TCF4: variants seen among roughly 807,000 people sequenced by gnomAD.
TCF4 encodes SL3-3 enhancer factor 2.
Under a neutral mutation model 82.1 loss-of-function variants are expected in TCF4, and 3 were observed. That is an observed-to-expected ratio of 0.04 (90% CI 0.02 to 0.09). TCF4 has a LOEUF of 0.09. TCF4 is among the 10% of genes least tolerant of loss of function. TCF4 has a pLI of 1.00. For synonymous variants in TCF4, 276 were observed against 309.6 expected, an observed-to-expected ratio of 0.89 and a Z score of 1.14; for missense variants, 518 against 852.7, an observed-to-expected ratio of 0.61 and a Z score of 4.89.
At chr18:55,604,746 G>A (rs1376048130) in intron 2 of TCF4, among the ~76,000 whole-genome samples, 2 of 152,166 alleles carry the variant, frequency 1.3e-5, no homozygotes, top group South Asian at 2.1e-4. Flanking sequence ...CATCACCTGG[G>A]AGAGCAGAGT....
chr18:55,464,213 G>A, intron 3 of TCF4, 76 bp from the exon 4 acceptor site: 1 of 1,276,608 alleles, frequency 7.8e-7, no homozygotes, highest in Non-Finnish European at 1.1e-6. Flanking sequence ...TCAAATTAAT[G>A]TTTCAAATTA....
chr18:55,378,338 CTCTTA>C (rs375112280), intron 6 of TCF4, among the ~76,000 whole-genome samples: 1 of 152,188 alleles, frequency 6.6e-6, no homozygotes, highest in Non-Finnish European at 1.5e-5. Flanking sequence ...ATTTAACACA[CTCTTA>C]TAAGTGTCTT....
upstream of TCF4, among the ~76,000 whole-genome samples, chr18:55,592,002 T>G (rs2097686017): frequency 6.6e-6 from 1 of 152,232 alleles, no homozygotes; most frequent in Non-Finnish European, 1.5e-5. Flanking sequence ...GTGTTTTGTC[T>G]TCTTTTTGTT....
intron 15 of TCF4, among the ~76,000 whole-genome samples, chr18:55,245,549 G>A (rs768261038): frequency 2.0e-5 from 3 of 152,162 alleles, no homozygotes; most frequent in Non-Finnish European, 2.9e-5. Flanking sequence ...TGCTGTGGAG[G>A]GGCTTTTCAC....
intron 3 of TCF4, among the ~76,000 whole-genome samples, chr18:55,481,725 C>A (rs1416137531): frequency 6.6e-6 from 1 of 152,226 alleles, no homozygotes; most frequent in African/African-American, 2.4e-5. Flanking sequence ...ATATATACTT[C>A]ATTTTTACCA....
intron 8 of TCF4, among the ~76,000 whole-genome samples, chr18:55,318,146 T>C (rs2074606712): frequency 6.6e-6 from 1 of 152,114 alleles, no homozygotes; most frequent in Non-Finnish European, 1.5e-5. Context: ...TTGTTTTCAG[T>C]TTTATTTGCC....
upstream of TCF4, chr18:55,588,544 G>A (rs1327426838): frequency 1.3e-6 from 2 of 1,530,524 alleles, no homozygotes; most frequent in African/African-American, 2.7e-5. Context: ...ATCCCTCGGA[G>A]GCACTTTGAA....
At chr18:55,566,426 T>C (rs2097407311) in intron 3 of TCF4, among the ~76,000 whole-genome samples, 1 of 151,938 alleles carries the variant, frequency 6.6e-6, no homozygotes, top group Non-Finnish European at 1.5e-5. Flanking sequence ...TATAAATTTA[T>C]ACACATAAAT....
chr18:55,257,577 T>C (rs529405485), intron 13 of TCF4, 186 bp from the exon 14 acceptor site: 51 of 637,188 alleles, frequency 8.0e-5, no homozygotes, highest in African/African-American at 6.0e-4. Flanking sequence ...ATGTAAAATA[T>C]GTAGACTTTA....
At chr18:55,430,040 T>A (rs1347671346) in intron 5 of TCF4, among the ~76,000 whole-genome samples, 1 of 152,186 alleles carries the variant, frequency 6.6e-6, no homozygotes, top group African/African-American at 2.4e-5. Flanking sequence ...GACATGTTGA[T>A]GTTAAATGTT....
Position 55,616,648 on chromosome 18 carries a change from G to C in TCF4, c.286+14650C>G, listed in dbSNP as rs191344413. On this transcript the variant is annotated intron_variant, in intron 2 of 20. Transcript: ENST00000398339. ...TTTATCTTTTCTTTTTTTAATAATT[G>C]CCATCCTAACAGGTGTGAGGTGATA... Among the ~76,000 whole-genome samples the C allele has an allele frequency of 4.6e-3, 700 of 151,804 alleles. 8 individuals carry two copies. The highest frequency in any genetic ancestry group is 0.016 in the African/African-American group (677 of 41,382).
At chr18:55,460,938 C>T (rs2095858406) in intron 5 of TCF4, 81 bp downstream of exon 5, 4 of 1,241,058 alleles carry the variant, frequency 3.2e-6, no homozygotes, top group Admixed American at 3.8e-5. Flanking sequence ...AAAGCAGAAC[C>T]TCTGTCTAGG....
At position 55,548,484 on chromosome 18, in the gene TCF4, C is replaced by CT. The variant is rs769444156; in HGVS notation, c.145+36795dup. 1.9e-4 allele frequency among the ~76,000 whole-genome samples: 28 copies of CT among 150,182 alleles called. No homozygotes were observed. The South Asian group carries it at 2.1e-3, about 11-fold the overall frequency. ...TTCCTCTCACTAACCTCAAGGATAT[C>CT]TTTTTTTTTTAACTCAATCTAAAAC... On this transcript the variant is annotated intron_variant, in intron 3 of 19. Coordinates refer to ENST00000354452, the MANE Select transcript of TCF4 (RefSeq NM_001083962.2).
intron 6 of TCF4, among the ~76,000 whole-genome samples, chr18:55,373,140 C>T (rs772081904): frequency 6.6e-6 from 1 of 151,586 alleles, no homozygotes; most frequent in Non-Finnish European, 1.5e-5. Context: ...AAGCTAAATG[C>T]TGTGTATAAC....
At chr18:55,511,638 T>C (rs2096830207) in intron 3 of TCF4, among the ~76,000 whole-genome samples, 1 of 152,158 alleles carries the variant, frequency 6.6e-6, no homozygotes. Context: ...AATAAATATT[T>C]TTTTCAAAAC....
chr18:55,303,240 C>CACACACACACACACACACACCCCT (rs1568861185), intron 8 of TCF4, among the ~76,000 whole-genome samples: 3 of 150,126 alleles, frequency 2.0e-5, no homozygotes, highest in Admixed American at 6.6e-5. Context: ...CACACACACA[C>CACACACACACACACACACACCCCT]ACACACACAC....
At chr18:55,385,890 C>T (rs1256645738) in intron 6 of TCF4, among the ~76,000 whole-genome samples, 1 of 152,234 alleles carries the variant, frequency 6.6e-6, no homozygotes, top group African/African-American at 2.4e-5. Context: ...ATCAGGCCAT[C>T]GCTACTGGGT....
chr18:55,229,195 G>T, intron 17 of TCF4, 119 bp from the exon 18 acceptor site: 2 of 1,173,916 alleles, frequency 1.7e-6, no homozygotes, highest in Non-Finnish European at 2.5e-6. Context: ...CATGTTTTTG[G>T]CAGAATTTTT....
At chr18:55,345,295 CAAA>C (rs11332509) in intron 8 of TCF4, among the ~76,000 whole-genome samples, 1 of 139,018 alleles carries the variant, frequency 7.2e-6, no homozygotes, top group East Asian at 2.0e-4. Context: ...TTGGTTTTCA[CAAA>C]AAAAAAAAAA....
Sources: allele counts gnomAD v4.1 joint callset (sites outside exome capture counted in the v4.1 genomes callset), GRCh38; gene constraint gnomAD v4.1.1; transcripts MANE v1.5; gene names NCBI Gene and HGNC (gene_info 2026-07-23, HGNC 2026-07-21).